CMPK1: variants seen among roughly 807,000 people sequenced by gnomAD.
CMPK1 encodes the protein cytidine/uridine monophosphate kinase 1.
In CMPK1, 10 loss-of-function variants were observed where a neutral mutation model predicts 25.7. The ratio of observed to expected loss-of-function variants is 0.39; its 90% CI spans 0.24 to 0.66. The LOEUF (loss-of-function observed/expected upper bound fraction) is 0.66, where lower values mean the gene tolerates loss of function less well. Among genes scored for constraint, CMPK1 ranks in the 30% least tolerant of loss-of-function variants. The pLI is 0.48. For synonymous variants in CMPK1, 106 were observed against 101.5 expected (o/e 1.04, Z -0.27); for missense variants, 199 against 280.5 (o/e 0.71, Z 2.08).
intron 1 of CMPK1, among the ~76,000 whole-genome samples, chr1:47,347,679 G>A (rs1266840156): frequency 6.6e-6 from 1 of 152,152 alleles, no homozygotes; most frequent in East Asian, 1.9e-4. Context: ...AGGCTGGAGT[G>A]CAGTGGTGCA....
Position 47,333,831 on chromosome 1 carries a change from C to A in CMPK1, c.-115C>A, listed in dbSNP as rs1646372148. 1.7e-5 allele frequency: 10 copies of A among 605,450 alleles called. No homozygotes were observed. The South Asian group carries it at 2.8e-4, about 17-fold the overall frequency. 37.5% of individuals were successfully genotyped at this position (605,450 alleles called of 1,614,324 possible). On this transcript the variant is annotated 5_prime_UTR_variant, in exon 1 of 6. Coordinates refer to ENST00000371873, the MANE Select transcript of CMPK1 (RefSeq NM_016308.3). ...GCGGACGCCCGGGCAGCCACGGCGG[C>A]GGGGCCGCGGCGGGCGCCGGCTCAG...
intron 1 of CMPK1, among the ~76,000 whole-genome samples, chr1:47,338,176 T>C (rs1434192544): frequency 6.6e-6 from 1 of 152,086 alleles, no homozygotes; most frequent in Non-Finnish European, 1.5e-5. Context: ...CTGCCAGAAG[T>C]ACATATTTGA....
rs1401828574 is a variant in CMPK1 at position 47,336,746 on chromosome 1, G to A, written c.171+2630G>A. Among the ~76,000 whole-genome samples, 8 of 152,134 alleles carry A rather than the reference G, an allele frequency of 5.3e-5. No individual in the cohort carries two copies. In the East Asian group the frequency reaches 7.7e-4, roughly 15 times the overall value. Reference sequence around the variant, plus strand: ...TCACTATATTGCCCAGGCTGGTCTCGAACTCCCAGACTCAAGGGATCTTAC... The same window carrying A: ...TCACTATATTGCCCAGGCTGGTCTCAAACTCCCAGACTCAAGGGATCTTAC... On this transcript the variant is annotated intron_variant, in intron 1 of 5. Transcript: ENST00000371873.
intron 2 of CMPK1, among the ~76,000 whole-genome samples, chr1:47,370,017 C>G (rs1009907164): frequency 3.4e-5 from 4 of 119,398 alleles, no homozygotes; most frequent in Non-Finnish European, 8.1e-5. Flanking sequence ...TGGGTTCACG[C>G]CATTCTCCTG....
At chr1:47,341,173 A>T (rs1646438394) in intron 1 of CMPK1, among the ~76,000 whole-genome samples, 1 of 152,224 alleles carries the variant, frequency 6.6e-6, no homozygotes, top group Non-Finnish European at 1.5e-5. Context: ...CATCTTTTCT[A>T]ATCCTGAGAT....
intron 2 of CMPK1, among the ~76,000 whole-genome samples, chr1:47,369,477 C>T (rs923390726): frequency 4.6e-5 from 7 of 152,280 alleles, no homozygotes; most frequent in Non-Finnish European, 7.4e-5. Flanking sequence ...GTCCTTTCTT[C>T]CCAACATTCA....
chr1:47,352,790 C>T (rs1557806627), intron 1 of CMPK1, among the ~76,000 whole-genome samples: 5 of 152,046 alleles, frequency 3.3e-5, no homozygotes, highest in Admixed American at 6.6e-5. Context: ...GTCTGCTGTA[C>T]ATTATAGAAA....
rs1013420739 is a variant in CMPK1, at chr1:47,333,894, G to T, written c.-52G>T. On this transcript the variant is annotated 5_prime_UTR_variant, in exon 1 of 6. Transcript: ENST00000371873. ...TCCCGCCGCCTCCCCGCCCCGCCCC[G>T]CGCCGCGCCGGCCGCTGTCAGCTCC... The T allele has an allele frequency of 3.4e-6, 4 of 1,184,938 alleles. No homozygotes were observed. In the African/African-American group the frequency reaches 6.5e-5, roughly 19 times the overall value. The allele number at this position is 1,184,938 out of a possible 1,614,324, so 73.4% of individuals were successfully genotyped here. A position where few individuals can be genotyped will look rare whatever the true frequency, so the allele number is the denominator to read the frequency against.
At chr1:47,353,038 TTGTTATCTAAG>T (rs1646533733) in intron 1 of CMPK1, among the ~76,000 whole-genome samples, 3 of 152,160 alleles carry the variant, frequency 2.0e-5, no homozygotes, top group Non-Finnish European at 4.4e-5. Context: ...AGGTGATTCT[TTGTTATCTAAG>T]CAGTGATTGA....
chr1:47,359,114 C>T (rs1235348485), intron 1 of CMPK1, among the ~76,000 whole-genome samples: 1 of 151,946 alleles, frequency 6.6e-6, no homozygotes. Context: ...GTCAGGAGAT[C>T]GAGACCATCC....
Position 47,366,975 on chromosome 1 carries a change from C to T in CMPK1, c.172-1494C>T, listed in dbSNP as rs568976800. Among the ~76,000 whole-genome samples the T allele has an allele frequency of 1.1e-4, 16 of 152,332 alleles. No homozygotes were observed. In the East Asian group the frequency reaches 2.3e-3, roughly 22 times the overall value. On this transcript the variant is annotated intron_variant, in intron 1 of 5. Transcript: ENST00000371873. ...TCCTGACCTCAGGTGATCCACCCGC[C>T]TTGGCCTCCCAAAGTGCTGGGATTA... is the stretch of plus-strand genomic sequence containing the variant.
chr1:47,375,338 A>C, intron 5 of CMPK1, 45 bp downstream of exon 5: 6 of 1,273,082 alleles, frequency 4.7e-6, no homozygotes, highest in Non-Finnish European at 6.7e-6. Context: ...TCAAATAAAA[A>C]TGTGATTATT....
chr1:47,368,030 A>G (rs1162459984), intron 1 of CMPK1, among the ~76,000 whole-genome samples: 1 of 151,914 alleles, frequency 6.6e-6, no homozygotes, highest in Non-Finnish European at 1.5e-5. Context: ...GCTCACTGCA[A>G]CCTCCGCCTC....
chr1:47,370,940 G>A (rs1200950259), intron 2 of CMPK1, among the ~76,000 whole-genome samples: 1 of 149,306 alleles, frequency 6.7e-6, no homozygotes, highest in Non-Finnish European at 1.5e-5. Flanking sequence ...CTGGGCAACA[G>A]GGTGAGATTC....
At chr1:47,365,349 T>A (rs1646631953) in intron 1 of CMPK1, among the ~76,000 whole-genome samples, 1 of 150,656 alleles carries the variant, frequency 6.6e-6, no homozygotes, top group African/African-American at 2.4e-5. Context: ...ATGAGATAAG[T>A]TAGGCCAGTT....
chr1:47,341,484 T>A (rs959499028), intron 1 of CMPK1, among the ~76,000 whole-genome samples: 2 of 152,166 alleles, frequency 1.3e-5, no homozygotes, highest in African/African-American at 4.8e-5. Context: ...TTCTCCTGCC[T>A]CAGCCTCCCA....
At chr1:47,338,124 C>T (rs556454238) in intron 1 of CMPK1, among the ~76,000 whole-genome samples, 2 of 152,234 alleles carry the variant, frequency 1.3e-5, no homozygotes, top group African/African-American at 4.8e-5. Context: ...GCTCACAGGG[C>T]ACCTGAAATT....
At chr1:47,358,424 A>C (rs544385561) in intron 1 of CMPK1, 224 of 1,207,740 alleles carry the variant, frequency 1.9e-4, no homozygotes, top group South Asian at 3.5e-4. Flanking sequence ...CTGTTTTTAG[A>C]AGTTTGTTCT....
In CMPK1 at chr1:47,378,080, A is replaced by G. The variant is rs990097428; in HGVS notation, c.*1335A>G. On this transcript the variant is annotated 3_prime_UTR_variant, in exon 6 of 6. Coordinates refer to ENST00000371873, the MANE Select transcript of CMPK1 (RefSeq NM_016308.3). Reference sequence around the variant, plus strand: ...ATAGGGCAAATAATTTTGTCTTTGTATAATAGATTTGATATTTAAAGTCAC... The same window carrying G: ...ATAGGGCAAATAATTTTGTCTTTGTGTAATAGATTTGATATTTAAAGTCAC... The G allele has an allele frequency of 2.6e-5, 4 of 152,226 alleles. No homozygotes were observed. The highest frequency in any genetic ancestry group is 4.4e-5 in the Non-Finnish European group (3 of 68,040). 9.4% of individuals were successfully genotyped at this position (152,226 alleles called of 1,614,324 possible).
Sources: gnomAD v4.1 joint callset for allele counts (sites outside exome capture counted in the v4.1 genomes callset) on GRCh38, gnomAD v4.1.1 for gene constraint, MANE v1.5 for transcripts, NCBI Gene and HGNC (gene_info 2026-07-23, HGNC 2026-07-21) for gene names.